The following UNC13C variants were observed in gnomAD, a reference collection of about 807,000 sequenced individuals.
UNC13C encodes unc-13 homolog C, also known as protein unc-13 homolog C.
In UNC13C, 174 loss-of-function variants were observed where a neutral mutation model predicts 245.4. The observed-to-expected ratio is 0.71, with a 90% CI of 0.63 to 0.80. The LOEUF is 0.80. UNC13C is among the 30% of genes least tolerant of loss of function. The pLI, the probability that UNC13C is intolerant of heterozygous loss-of-function variation, is 0.00. For synonymous variants in UNC13C, 992 were observed against 895.1 expected, an observed-to-expected ratio of 1.11 and a Z score of -1.93; for missense variants, 2,829 against 2,602.9, an observed-to-expected ratio of 1.09 and a Z score of -1.89.
chr15:54,348,328 A>G (rs1006680036), intron 17 of UNC13C, among the ~76,000 whole-genome samples: 4 of 152,134 alleles, frequency 2.6e-5, no homozygotes, highest in African/African-American at 9.7e-5. Context: ...ATCTTGTACC[A>G]TGTGGACAGA....
chr15:54,022,433 G>A (rs1895941083), intron 2 of UNC13C, among the ~76,000 whole-genome samples: 2 of 152,014 alleles, frequency 1.3e-5, no homozygotes, highest in African/African-American at 2.4e-5. Context: ...TCAGCTTCCA[G>A]AGTAGCTGGG....
intron 2 of UNC13C, among the ~76,000 whole-genome samples, chr15:54,088,448 A>G (rs1406566123): frequency 1.3e-5 from 2 of 152,190 alleles, no homozygotes; most frequent in East Asian, 3.9e-4. Flanking sequence ...ATGTGATTAT[A>G]GATGCACTTC....
At chr15:54,509,819 G>A (rs521375) in intron 23 of UNC13C, among the ~76,000 whole-genome samples, 19,507 of 152,156 alleles carry the variant, frequency 0.13, 1,325 homozygotes, top group Non-Finnish European at 0.16. Flanking sequence ...AATTGATTCA[G>A]TAAAACTGCA....
intron 17 of UNC13C, among the ~76,000 whole-genome samples, chr15:54,346,819 A>G (rs1207460764): frequency 6.6e-6 from 1 of 152,234 alleles, no homozygotes; most frequent in African/African-American, 2.4e-5. Flanking sequence ...CAAAAGATCA[A>G]TCTATAAACT....
At chr15:54,314,680 G>T (rs185091960) in intron 13 of UNC13C, among the ~76,000 whole-genome samples, 1 of 151,746 alleles carries the variant, frequency 6.6e-6, no homozygotes, top group Non-Finnish European at 1.5e-5. Flanking sequence ...AAACAATTAA[G>T]TATTTAAAGA....
chr15:54,031,997 A>G (rs1014816766), intron 2 of UNC13C, among the ~76,000 whole-genome samples: 7 of 152,178 alleles, frequency 4.6e-5, no homozygotes, highest in African/African-American at 1.7e-4. Flanking sequence ...TCTTACCCCA[A>G]TGTAAATAGC....
the UNC13C span, among the ~76,000 whole-genome samples, chr15:53,931,448 C>T: frequency 1.2e-4 from 19 of 152,176 alleles, no homozygotes; most frequent in East Asian, 2.5e-3. Context: ...GGATTACAGC[C>T]GTGAGCCATT....
chr15:54,140,518 C>T (rs1407216836), intron 2 of UNC13C, among the ~76,000 whole-genome samples: 2 of 152,160 alleles, frequency 1.3e-5, no homozygotes, highest in African/African-American at 4.8e-5. Context: ...GCACAGTGCA[C>T]AATACTGAAC....
At chr15:54,211,683 G>T (rs1387029497) in intron 4 of UNC13C, among the ~76,000 whole-genome samples, 1 of 152,056 alleles carries the variant, frequency 6.6e-6, no homozygotes, top group Non-Finnish European at 1.5e-5. Context: ...CTTTGTCCCA[G>T]TGTTCCCCAT....
At chr15:53,932,803 C>A in the UNC13C span, among the ~76,000 whole-genome samples, 1 of 152,166 alleles carries the variant, frequency 6.6e-6, no homozygotes, top group Non-Finnish European at 1.5e-5. Flanking sequence ...CATACTTAGG[C>A]CTAGGTCAAA....
chr15:54,097,399 A>C (rs1246966772), intron 2 of UNC13C, among the ~76,000 whole-genome samples: 1 of 152,180 alleles, frequency 6.6e-6, no homozygotes, highest in Admixed American at 6.5e-5. Flanking sequence ...TGTGTAAGAA[A>C]ATTAGGTGTT....
chr15:54,430,148 T>C (rs1332449015), intron 19 of UNC13C, among the ~76,000 whole-genome samples: 2 of 151,678 alleles, frequency 1.3e-5, no homozygotes, highest in East Asian at 3.9e-4. Flanking sequence ...TAAGTGAAAA[T>C]TTCAGATTCT....
intron 4 of UNC13C, among the ~76,000 whole-genome samples, chr15:54,178,187 T>A (rs903159397): frequency 6.6e-6 from 1 of 152,150 alleles, no homozygotes; most frequent in African/African-American, 2.4e-5. Context: ...TAGGGTCTCA[T>A]TGGCTGTAAG....
chr15:54,175,635 C>T (rs920554865), intron 4 of UNC13C, among the ~76,000 whole-genome samples: 2 of 151,762 alleles, frequency 1.3e-5, no homozygotes, highest in East Asian at 1.9e-4. Flanking sequence ...GCCTCAGCCT[C>T]CCGAGTAGCT....
At chr15:54,413,332 C>T (rs2040451564) in intron 18 of UNC13C, among the ~76,000 whole-genome samples, 2 of 151,812 alleles carry the variant, frequency 1.3e-5, no homozygotes, top group African/African-American at 4.8e-5. Flanking sequence ...ATTAAAATAG[C>T]TAAGCAATTT....
rs535167283 is a variant in UNC13C at position 54,116,032 on chromosome 15, T to C, written c.2984-26986T>C. 2.6e-5 allele frequency among the ~76,000 whole-genome samples: 4 copies of C among 152,274 alleles called. 1 individual carries two copies. The Middle Eastern group carries it at 0.014, about 518-fold the overall frequency. Reference sequence around the variant, plus strand: ...TGAGATAAAATATACATATAAAATTTACCATCCACATCATTTTAATTATAT... The same window carrying C: ...TGAGATAAAATATACATATAAAATTCACCATCCACATCATTTTAATTATAT... On this transcript the variant is annotated intron_variant, in intron 2 of 32. Transcript: ENST00000260323.
intron 30 of UNC13C, among the ~76,000 whole-genome samples, chr15:54,568,155 G>A (rs969389213): frequency 3.3e-5 from 5 of 152,098 alleles, no homozygotes; most frequent in South Asian, 2.1e-4. Flanking sequence ...ACACTAAGAT[G>A]TATTTAATAC....
At chr15:54,397,313 T>C (rs1170254730) in intron 18 of UNC13C, among the ~76,000 whole-genome samples, 3 of 151,532 alleles carry the variant, frequency 2.0e-5, no homozygotes, top group African/African-American at 4.8e-5. Flanking sequence ...TTTGGCATCT[T>C]GGAGAAAACT....
chr15:54,084,508 T>G (rs1216100230), intron 2 of UNC13C, among the ~76,000 whole-genome samples: 1 of 152,256 alleles, frequency 6.6e-6, no homozygotes, highest in Non-Finnish European at 1.5e-5. Context: ...TTTTCAAAAG[T>G]CAGGGGTCCT....
Sources: gnomAD v4.1 joint callset for allele counts (sites outside exome capture counted in the v4.1 genomes callset) on GRCh38, gnomAD v4.1.1 for gene constraint, MANE v1.5 for transcripts, NCBI Gene and HGNC (gene_info 2026-07-23, HGNC 2026-07-21) for gene names.